The following ARHGAP42 variants were observed in gnomAD, a reference collection of about 807,000 sequenced individuals.
The protein encoded by ARHGAP42 is rho GTPase-activating protein 42.
ARHGAP42 carries 63 observed loss-of-function variants against 125.0 expected under a neutral mutation model. The observed-to-expected ratio is 0.50, with a 90% CI of 0.41 to 0.62. The LOEUF is 0.62. ARHGAP42 is among the 20% of genes least tolerant of loss of function. ARHGAP42 has a pLI of 0.00. For synonymous variants in ARHGAP42, 339 were observed against 351.0 expected, an observed-to-expected ratio of 0.97 and a Z score of 0.38; for missense variants, 766 against 1,024.2, an observed-to-expected ratio of 0.75 and a Z score of 3.44.
chr11:100,704,342 T>C (rs772024937), intron 1 of ARHGAP42, among the ~76,000 whole-genome samples: 85 of 152,130 alleles, frequency 5.6e-4, no homozygotes, highest in Non-Finnish European at 9.4e-4. Flanking sequence ...AGTCTTAGCT[T>C]TTGGGACAGC....
chr11:100,829,770 TA>T (rs1864622562), intron 3 of ARHGAP42, among the ~76,000 whole-genome samples: 1 of 152,242 alleles, frequency 6.6e-6, no homozygotes, highest in African/African-American at 2.4e-5. Flanking sequence ...AAATTGTTTC[TA>T]AAATCTTCTA....
At chr11:100,730,909 A>C (rs1861946177) in intron 1 of ARHGAP42, among the ~76,000 whole-genome samples, 1 of 152,190 alleles carries the variant, frequency 6.6e-6, no homozygotes, top group Non-Finnish European at 1.5e-5. Context: ...TGTGTATCTA[A>C]ATATAGAAAG....
intron 2 of ARHGAP42, among the ~76,000 whole-genome samples, chr11:100,785,160 A>G (rs1863403257): frequency 6.6e-6 from 1 of 152,158 alleles, no homozygotes; most frequent in Non-Finnish European, 1.5e-5. Flanking sequence ...GAGAAGAGAG[A>G]GAAATGAGAT....
At chr11:100,701,050 G>A (rs902375800) in intron 1 of ARHGAP42, among the ~76,000 whole-genome samples, 1 of 152,112 alleles carries the variant, frequency 6.6e-6, no homozygotes, top group African/African-American at 2.4e-5. Flanking sequence ...GTGTTAGTTG[G>A]CATGAAAACA....
chr11:100,940,250 G>A (rs1867840891), intron 8 of ARHGAP42, among the ~76,000 whole-genome samples: 1 of 152,118 alleles, frequency 6.6e-6, no homozygotes, highest in Non-Finnish European at 1.5e-5. Context: ...TTCTCAAGAG[G>A]TACTTTTTTA....
chr11:100,919,664 AGTGCT>A (rs1347868649), intron 5 of ARHGAP42, among the ~76,000 whole-genome samples: 5 of 152,118 alleles, frequency 3.3e-5, no homozygotes, highest in Non-Finnish European at 5.9e-5. Context: ...GGCCTCTCAA[AGTGCT>A]GGGATTACAG....
At chr11:100,854,162 G>A (rs1316954992) in intron 3 of ARHGAP42, among the ~76,000 whole-genome samples, 2 of 152,078 alleles carry the variant, frequency 1.3e-5, no homozygotes, top group African/African-American at 4.8e-5. Context: ...ATAAATGGGA[G>A]TATTCTCCTG....
At chr11:100,856,447 A>C (rs1043329378) in intron 3 of ARHGAP42, among the ~76,000 whole-genome samples, 1 of 152,080 alleles carries the variant, frequency 6.6e-6, no homozygotes, top group Non-Finnish European at 1.5e-5. Flanking sequence ...GAATGTATAA[A>C]GATGAGGCTC....
intron 2 of ARHGAP42, among the ~76,000 whole-genome samples, chr11:100,774,655 T>C (rs539641299): frequency 1.3e-5 from 2 of 152,308 alleles, no homozygotes; most frequent in South Asian, 2.1e-4. Context: ...TGAATAAAGA[T>C]GTCTGCTTTC....
chr11:100,798,039 A>G (rs1334231859), intron 3 of ARHGAP42, among the ~76,000 whole-genome samples: 1 of 152,230 alleles, frequency 6.6e-6, no homozygotes, highest in Non-Finnish European at 1.5e-5. Flanking sequence ...AACTAGAATT[A>G]GAAGTGGAGC....
At chr11:100,955,820 G>C (rs113448695) in intron 12 of ARHGAP42, among the ~76,000 whole-genome samples, 14,026 of 151,774 alleles carry the variant, frequency 0.092, 938 homozygotes, top group Non-Finnish European at 0.13. Flanking sequence ...TTTGTTTTTT[G>C]TTTTGTTTTT....
At chr11:100,926,164 C>G (rs1182909570) in intron 6 of ARHGAP42, among the ~76,000 whole-genome samples, 1 of 152,128 alleles carries the variant, frequency 6.6e-6, no homozygotes, top group East Asian at 1.9e-4. Flanking sequence ...TGATTTATGT[C>G]CTTTGAGCCT....
At chr11:100,749,747 G>T (rs1008330715) in intron 1 of ARHGAP42, among the ~76,000 whole-genome samples, 10 of 151,942 alleles carry the variant, frequency 6.6e-5, no homozygotes, top group Admixed American at 5.2e-4. Flanking sequence ...CACTCGCTCC[G>T]TCCAGCAGTA....
At chr11:100,794,075 CAAAAAAAAAAAAAAAAAAAAAAA>C (rs869272420) in intron 2 of ARHGAP42, among the ~76,000 whole-genome samples, 2 of 44,864 alleles carry the variant, frequency 4.5e-5, no homozygotes, top group Non-Finnish European at 4.3e-5. Flanking sequence ...GACCCTGTCT[CAAAAAAAAAAAAAAAAAAAAAAA>C]AAAAAAAAAA....
chr11:100,699,710 A>C (rs933423617), intron 1 of ARHGAP42, among the ~76,000 whole-genome samples: 1 of 151,396 alleles, frequency 6.6e-6, no homozygotes, highest in Non-Finnish European at 1.5e-5. Context: ...TTTAGTACAT[A>C]TGGGGTTTCA....
At chr11:100,792,823 G>A (rs1338153166) in intron 2 of ARHGAP42, among the ~76,000 whole-genome samples, 3 of 151,430 alleles carry the variant, frequency 2.0e-5, no homozygotes, top group African/African-American at 7.3e-5. Flanking sequence ...CACGATCTCG[G>A]CTTACTGCAA....
intron 3 of ARHGAP42, among the ~76,000 whole-genome samples, chr11:100,842,548 G>A (rs1310988857): frequency 6.6e-6 from 1 of 152,064 alleles, no homozygotes; most frequent in Non-Finnish European, 1.5e-5. Context: ...ATTACTAGTT[G>A]TTAGGAAGCA....
chr11:100,917,464 T>C (rs1396745308), intron 5 of ARHGAP42, among the ~76,000 whole-genome samples: 1 of 152,192 alleles, frequency 6.6e-6, no homozygotes, highest in Non-Finnish European at 1.5e-5. Context: ...GATTGACCAA[T>C]TCCTAGTGAT....
At chr11:100,825,525 A>C (rs946270767) in intron 3 of ARHGAP42, among the ~76,000 whole-genome samples, 1 of 152,228 alleles carries the variant, frequency 6.6e-6, no homozygotes, top group African/African-American at 2.4e-5. Context: ...CCATTCATTT[A>C]ATGCTTAATT....
Sources: allele counts gnomAD v4.1 joint callset (sites outside exome capture counted in the v4.1 genomes callset), GRCh38; gene constraint gnomAD v4.1.1; transcripts MANE v1.5; gene names NCBI Gene and HGNC (gene_info 2026-07-23, HGNC 2026-07-21).